Variants in CTTNBP2 observed in about 807,000 individuals in gnomAD.
CTTNBP2 encodes cortactin binding protein 2, also known as cortactin-binding protein 2.
CTTNBP2 carries 108 observed loss-of-function variants against 156.9 expected under a neutral mutation model. The observed-to-expected ratio is 0.69, with a 90% confidence interval of 0.59 to 0.81. The LOEUF is 0.81. Ranked by LOEUF, CTTNBP2 falls within the 30% of genes least tolerant of loss-of-function variation. The pLI is 0.00. For missense variants in CTTNBP2, 1,924 were observed against 2,035.4 expected, an observed-to-expected ratio of 0.95 and a Z score of 1.05; for synonymous variants, 767 against 751.8, an observed-to-expected ratio of 1.02 and a Z score of -0.33.
At chr7:117,719,389 T>G in intron 21 of CTTNBP2, 115 bp downstream of exon 21, 1 of 978,036 alleles carries the variant, frequency 1.0e-6, no homozygotes, top group South Asian at 2.2e-5. Flanking sequence ...GATGGTTTGA[T>G]TTGGATCATT....
chr7:117,839,809 CACCTT>C (rs1802168179), intron 2 of CTTNBP2, among the ~76,000 whole-genome samples: 1 of 152,144 alleles, frequency 6.6e-6, no homozygotes, highest in African/African-American at 2.4e-5. Context: ...TGGCATAATC[CACCTT>C]TACTCCTCCA....
At chr7:117,728,013 A>C in intron 17 of CTTNBP2, 76 bp downstream of exon 17, 2 of 1,319,642 alleles carry the variant, frequency 1.5e-6, no homozygotes, top group Non-Finnish European at 2.1e-6. Flanking sequence ...CAGCCTGGTC[A>C]GCATTCTCAC....
chr7:117,815,713 T>C (rs2116994744), intron 2 of CTTNBP2, among the ~76,000 whole-genome samples: 1 of 152,320 alleles, frequency 6.6e-6, no homozygotes, highest in Admixed American at 6.5e-5. Flanking sequence ...TTTGAGGAAC[T>C]AGAGATGATA....
At position 117,727,512 on chromosome 7, in the gene CTTNBP2, C is replaced by G. The variant is rs185909807; in HGVS notation, c.4055+577G>C. On this transcript the variant is annotated intron_variant, in intron 17 of 22. Coordinates refer to ENST00000160373, the MANE Select transcript of CTTNBP2 (RefSeq NM_033427.3). Reference sequence around the variant, plus strand: ...CCAGCTAAGAAGATATTATTTCTATCCCCTGCTTTCCAAAATAGACTTCTG... The same window carrying G: ...CCAGCTAAGAAGATATTATTTCTATGCCCTGCTTTCCAAAATAGACTTCTG... Among the ~76,000 whole-genome samples, 20 of 152,292 alleles carry G rather than the reference C, an allele frequency of 1.3e-4. 1 individual carries two copies. Among genetic ancestry groups the G allele is most frequent in the African/African-American group, 4.6e-4 (19 of 41,570 alleles).
In CTTNBP2 at chr7:117,785,510, A is replaced by G. The variant is rs189639937; in HGVS notation, c.2069-1056T>C. On this transcript the variant is annotated intron_variant, in intron 4 of 22. Transcript: ENST00000160373. The stretch of plus-strand genomic sequence containing the variant: ...GCATATGTACATATATTCATCCCTA[A>G]GGGCACACTTTCACAGACCAATTAA... 1.6e-3 allele frequency among the ~76,000 whole-genome samples: 246 copies of G among 152,342 alleles called. 1 individual carries two copies. Among genetic ancestry groups the G allele is most frequent in the African/African-American group, 5.7e-3 (235 of 41,590 alleles).
intron 2 of CTTNBP2, among the ~76,000 whole-genome samples, chr7:117,858,356 T>A: frequency 6.6e-6 from 1 of 151,896 alleles, no homozygotes; most frequent in East Asian, 1.9e-4. Context: ...GGCGACAGAG[T>A]GAGACTCCGT....
chr7:117,792,330 C>A lies in CTTNBP2; in HGVS notation c.866G>T (p.Arg289Leu), dbSNP rs541089121. 2.5e-6 allele frequency: 4 copies of A among 1,614,060 alleles called. No individual in the cohort carries two copies. The African/African-American group carries it at 4.0e-5, about 16-fold the overall frequency. The change falls in exon 4 of 23, where the codon CGT (arginine) becomes CTT (leucine). Residue 289 changes from arginine (R) to leucine (L), a missense_variant. Physicochemically the swap from Arg to Leu is moderately radical, Grantham distance 102. Transcript: ENST00000160373. This position sits in a 1 kb window ranked among gnomAD's most constrained non-coding sequence, Gnocchi z 4.2. ...TGTTCCCACAGATATGGAAACCAAA[C>A]GCCTATCTTTTGTCTTCCGTGGAAG... Reference protein sequence around the residue: ...LSLPRKTKDRRLVSISVGTEG... With the variant: ...LSLPRKTKDRLLVSISVGTEG...
intron 2 of CTTNBP2, 43 bp downstream of exon 2, chr7:117,861,166 G>A (rs775407287): frequency 5.7e-6 from 7 of 1,232,458 alleles, no homozygotes; most frequent in Non-Finnish European, 8.1e-6. Context: ...TTTGAAAAAA[G>A]CAAATGATCC....
intron 2 of CTTNBP2, among the ~76,000 whole-genome samples, chr7:117,848,662 A>G (rs565727272): frequency 1.3e-5 from 2 of 152,324 alleles, no homozygotes; most frequent in South Asian, 2.1e-4. Context: ...TTGATTCAGG[A>G]AACTTAGGAC....
chr7:117,827,908 A>G (rs538231935), intron 2 of CTTNBP2, among the ~76,000 whole-genome samples: 1 of 152,342 alleles, frequency 6.6e-6, no homozygotes, highest in African/African-American at 2.4e-5. Flanking sequence ...CAGGACATTA[A>G]GAGCGAATGG....
chr7:117,812,111 A>G lies in CTTNBP2; in HGVS notation c.190-1122T>C, dbSNP rs17140441. ...AGTATGCAACTTAATTATACTCTAA[A>G]TGTCAGTCCATCAGCGACAAAGTTA... On this transcript the variant is annotated intron_variant, in intron 2 of 22. Transcript: ENST00000160373. Among the ~76,000 whole-genome samples, 1,514 of 152,148 alleles carry G rather than the reference A, an allele frequency of 1.0e-2. 27 individuals are homozygous for G. The highest frequency in any genetic ancestry group is 0.035 in the African/African-American group (1,457 of 41,522).
chr7:117,870,305 G>A (rs1176222977), intron 1 of CTTNBP2, among the ~76,000 whole-genome samples: 3 of 152,142 alleles, frequency 2.0e-5, no homozygotes, highest in Non-Finnish European at 2.9e-5. Context: ...AAATTAAGCT[G>A]CAACACTTTC....
intron 12 of CTTNBP2, 74 bp downstream of exon 12, chr7:117,756,481 A>G: frequency 8.6e-7 from 1 of 1,166,012 alleles, no homozygotes; most frequent in Non-Finnish European, 1.3e-6. Context: ...TCCTTTAAAC[A>G]TAAAAATGGG....
rs1179954043 is a variant in CTTNBP2, at chr7:117,758,637, G to A, written c.3173-667C>T. On this transcript the variant is annotated intron_variant, in intron 10 of 22. Coordinates refer to ENST00000160373, the MANE Select transcript of CTTNBP2 (RefSeq NM_033427.3). Reference sequence around the variant, plus strand: ...TACATGCACACTCACCTGTAATTGCGTTTATCTGCTGACCTGAAGTTCCTT... The same window carrying A: ...TACATGCACACTCACCTGTAATTGCATTTATCTGCTGACCTGAAGTTCCTT... 4.6e-5 allele frequency among the ~76,000 whole-genome samples: 7 copies of A among 152,022 alleles called. No homozygotes were observed. In the South Asian group the frequency reaches 1.0e-3, roughly 23 times the overall value.
Position 117,780,492 on chromosome 7 carries a change from T to A in CTTNBP2, c.2472A>T (p.Glu824Asp). ...LYLACKNGNKECIKLLLEAGT... is the reference protein window; with the variant it reads ...LYLACKNGNKDCIKLLLEAGT... ...CAGCTTCCAACAAGAGTTTAATACA[T>A]TCTTTATTTCCATTTTTACAGGCCA... Residue 824 changes from glutamate to aspartate, a missense_variant, in exon 7 of 23, where the codon GAA (glutamate) becomes GAT (aspartate). Physicochemically the swap from Glu to Asp is conservative, Grantham distance 45. Coordinates refer to ENST00000160373, the MANE Select transcript of CTTNBP2 (RefSeq NM_033427.3). The A allele has an allele frequency of 6.2e-7, 1 of 1,601,974 alleles. No individual in the cohort carries two copies. The highest frequency in any genetic ancestry group is 2.3e-5 in the East Asian group (1 of 44,062).
chr7:117,745,364 G>C (rs1796270922), intron 14 of CTTNBP2, among the ~76,000 whole-genome samples: 1 of 152,184 alleles, frequency 6.6e-6, no homozygotes, highest in Non-Finnish European at 1.5e-5. Flanking sequence ...GCCAGTCAAT[G>C]GCATAGCAAG....
At chr7:117,872,502 TC>T (rs1211131856) in intron 1 of CTTNBP2, among the ~76,000 whole-genome samples, 1 of 151,612 alleles carries the variant, frequency 6.6e-6, no homozygotes, top group Non-Finnish European at 1.5e-5. Context: ...GTCCAGCCCT[TC>T]CCCAAAGTAG....
intron 2 of CTTNBP2, among the ~76,000 whole-genome samples, chr7:117,827,056 A>T (rs1171818777): frequency 6.6e-6 from 1 of 151,950 alleles, no homozygotes; most frequent in African/African-American, 2.4e-5. Flanking sequence ...ACAGGGTTTC[A>T]CCATGTTGGG....
chr7:117,730,893 C>T (rs889418402), intron 16 of CTTNBP2, among the ~76,000 whole-genome samples: 5 of 151,918 alleles, frequency 3.3e-5, no homozygotes, highest in East Asian at 1.9e-4. Flanking sequence ...ATTATTTTTT[C>T]GGTTAGGATG....
Sources: gnomAD v4.1 joint callset for allele counts (sites outside exome capture counted in the v4.1 genomes callset) on GRCh38, gnomAD v4.1.1 for gene constraint, Gnocchi (gnomAD v3.1) non-coding constraint, MANE v1.5 for transcripts, NCBI Gene and HGNC (gene_info 2026-07-23, HGNC 2026-07-21) for gene names.